The following LYRM2 variants were observed in gnomAD, a reference collection of about 807,000 sequenced individuals.
The protein encoded by LYRM2 is LYR motif containing 2.
LYRM2 carries 8 observed loss-of-function variants against 11.6 expected under a neutral mutation model. The observed-to-expected ratio is 0.69, with a 90% CI of 0.40 to 1.24. The LOEUF is 1.24. Among genes scored for constraint, LYRM2 ranks in the 50% most tolerant of loss-of-function variants. The probability of loss-of-function intolerance (pLI) is 0.01; values close to 1 mark genes in which losing one functional copy is unlikely to be tolerated. For synonymous variants in LYRM2, 30 were observed against 36.4 expected (o/e 0.83, Z 0.63); for missense variants, 117 against 102.9 (o/e 1.14, Z -0.59).
rs767996051 is a variant in LYRM2 at position 89,637,822 on chromosome 6, C to A, written c.106G>T (p.Val36Phe). Residue 36 changes from valine to phenylalanine, a missense_variant, in exon 2 of 3, where the codon GTT becomes TTT. Physicochemically the swap from Val to Phe is conservative, Grantham distance 50. Coordinates refer to ENST00000523377, the MANE Select transcript of LYRM2 (RefSeq NM_020466.5). The part of the protein sequence containing the change: ...YRRILQTIRQ[V>F]PNDSDRKYLK... Reference sequence around the variant, plus strand: ...TATTTGCGATCAGAATCATTTGGAACTTGCCGAATTGTTTGCAAAATCCTT... The same window carrying A: ...TATTTGCGATCAGAATCATTTGGAAATTGCCGAATTGTTTGCAAAATCCTT... 8.7e-6 allele frequency: 14 copies of A among 1,614,138 alleles called. No individual in the cohort carries two copies. Among genetic ancestry groups the A allele is most frequent in the Non-Finnish European group, 1.2e-5 (14 of 1,180,002 alleles).
rs1320109948 is a variant in LYRM2, at chr6:89,633,283, T to TAAG, written c.*3987_*3989dup. On this transcript the variant is annotated 3_prime_UTR_variant, in exon 3 of 3. Transcript: ENST00000523377. ...CTCACCCAGAGATGGCAACATCTAT[T>TAAG]AAGACCAATGCAATACCTTTTCATC... 5.9e-5 allele frequency: 9 copies of TAAG among 152,246 alleles called. No individual in the cohort carries two copies. The highest frequency in any genetic ancestry group is 2.2e-4 in the African/African-American group (9 of 41,456). The allele number at this position is 152,246 out of a possible 1,614,324, so 9.4% of individuals were successfully genotyped here.
intron 1 of LYRM2, chr6:89,638,413 T>C (rs1808081467): frequency 2.1e-6 from 3 of 1,416,066 alleles, no homozygotes; most frequent in Non-Finnish European, 1.8e-6. Context: ...CCGTGGGCAC[T>C]GGGCAGCTGA....
rs756422281 is a variant in LYRM2, at chr6:89,637,851, T to C, written c.77A>G (p.Tyr26Cys). The C allele has an allele frequency of 4.3e-6, 7 of 1,613,936 alleles. No individual in the cohort carries two copies. In the Admixed American group the frequency reaches 6.7e-5, roughly 15 times the overall value. ...CCGAATTGTTTGCAAAATCCTTCTG[T>C]AGAGGAGAAGAACTTGTTGCCTTCT... The part of the protein sequence containing the change: ...FVRRQQVLLL[Y>C]RRILQTIRQV... The change falls in exon 2 of 3, where the codon TAC (tyrosine) becomes TGC (cysteine). Residue 26 changes from tyrosine (Y) to cysteine (C), a missense_variant. Tyr to Cys is a radical substitution (Grantham distance 194, BLOSUM62 -2). Transcript: ENST00000523377.
chr6:89,635,531 C>T lies in LYRM2; in HGVS notation c.*1742G>A, dbSNP rs1450850925. 2 of 152,484 alleles carry T rather than the reference C, an allele frequency of 1.3e-5. No individual in the cohort carries two copies. Among genetic ancestry groups the T allele is most frequent in the African/African-American group, 2.4e-5 (1 of 41,436 alleles). The allele number at this position is 152,484 out of a possible 1,614,324, so 9.4% of individuals were successfully genotyped here. On this transcript the variant is annotated 3_prime_UTR_variant, in exon 3 of 3. Coordinates refer to ENST00000523377, the MANE Select transcript of LYRM2 (RefSeq NM_020466.5). ...TAACATCCACATTCAGTTGATGCCTCTCAGACACAGTCCAGTACTGGATAC... is the reference window on the plus strand; with the variant it reads ...TAACATCCACATTCAGTTGATGCCTTTCAGACACAGTCCAGTACTGGATAC...
rs917848406 is a variant in LYRM2, at chr6:89,636,680, GT to G, written c.*592del. Reference sequence around the variant, plus strand: ...TCTAGTGAATGTGAATCTCAGGGTTGTTTTTTTTTTTTTTTTTTAGAGACTG... The same window carrying G: ...TCTAGTGAATGTGAATCTCAGGGTTGTTTTTTTTTTTTTTTTTAGAGACTG... On this transcript the variant is annotated 3_prime_UTR_variant, in exon 3 of 3. Transcript: ENST00000523377. 1,193 of 129,480 alleles carry G rather than the reference GT, an allele frequency of 9.2e-3. 13 individuals carry two copies. Among genetic ancestry groups the G allele is most frequent in the African/African-American group, 0.028 (975 of 34,284 alleles). The allele number at this position is 129,480 out of a possible 1,614,324, so 8.0% of individuals were successfully genotyped here. A position where few individuals can be genotyped will look rare whatever the true frequency, so the allele number is the denominator to read the frequency against.
At chr6:89,637,910 TACTACTGCACA>T in intron 1 of LYRM2, 28 bp from the exon 2 acceptor site, 1 of 1,605,092 alleles carries the variant, frequency 6.2e-7, no homozygotes. Context: ...AAATAGCAAT[TACTACTGCACA>T]ATCGCCAGCC....
chr6:89,637,947 CA>C, intron 1 of LYRM2, 65 bp from the exon 2 acceptor site: 4 of 1,466,758 alleles, frequency 2.7e-6, no homozygotes, highest in Middle Eastern at 1.8e-4. Flanking sequence ...AGTTCTACTT[CA>C]GCAAACCAAG....
In LYRM2 at chr6:89,635,911, C is replaced by G. The variant is rs1346658971; in HGVS notation, c.*1362G>C. 1 of 154,398 alleles carries G rather than the reference C, an allele frequency of 6.5e-6. No individual in the cohort carries two copies. Among genetic ancestry groups the G allele is most frequent in the African/African-American group, 2.4e-5 (1 of 41,510 alleles). 9.6% of individuals were successfully genotyped at this position (154,398 alleles called of 1,614,324 possible). A position where few individuals can be genotyped will look rare whatever the true frequency, so the allele number is the denominator to read the frequency against. On this transcript the variant is annotated 3_prime_UTR_variant, in exon 3 of 3. Coordinates refer to ENST00000523377, the MANE Select transcript of LYRM2 (RefSeq NM_020466.5). ...CATCCAGAAGTCTTCCCTCTTCTTT[C>G]TGGTAAGTGCTTCAATGTGCTCATT... is the stretch of plus-strand genomic sequence containing the variant.
rs1807960360 is a variant in LYRM2 at position 89,635,139 on chromosome 6, T to A, written c.*2134A>T. On this transcript the variant is annotated 3_prime_UTR_variant, in exon 3 of 3. Coordinates refer to ENST00000523377, the MANE Select transcript of LYRM2 (RefSeq NM_020466.5). ...AATGCAAACCACATACGCTCTTTAA[T>A]GAAAACCTTTCCATGCACACCACTG... 1 of 152,230 alleles carries A rather than the reference T, an allele frequency of 6.6e-6. No individual in the cohort carries two copies. The highest frequency in any genetic ancestry group is 6.5e-5 in the Admixed American group (1 of 15,290). 9.4% of individuals were successfully genotyped at this position (152,230 alleles called of 1,614,324 possible). A position where few individuals can be genotyped will look rare whatever the true frequency, so the allele number is the denominator to read the frequency against.
Position 89,633,586 on chromosome 6 carries a change from G to T in LYRM2, c.*3687C>A, listed in dbSNP as rs2128294186. 6.6e-6 allele frequency: 1 copy of T among 152,216 alleles called. No individual in the cohort carries two copies. The highest frequency in any genetic ancestry group is 1.9e-4 in the East Asian group (1 of 5,194). The allele number at this position is 152,216 out of a possible 1,614,324, so 9.4% of individuals were successfully genotyped here. A position where few individuals can be genotyped will look rare whatever the true frequency, so the allele number is the denominator to read the frequency against. On this transcript the variant is annotated 3_prime_UTR_variant, in exon 3 of 3. Transcript: ENST00000523377. Reference sequence around the variant, plus strand: ...TAGTGTTTTTTTAAAGAAATTGTTAGTGCATTATTGAGTATACTAAATATC... The same window carrying T: ...TAGTGTTTTTTTAAAGAAATTGTTATTGCATTATTGAGTATACTAAATATC...
Position 89,638,727 on chromosome 6 carries a change from G to A in LYRM2, c.-11C>T. The A allele has an allele frequency of 1.2e-6, 2 of 1,613,964 alleles. No homozygotes were observed. The highest frequency in any genetic ancestry group is 2.2e-5 in the South Asian group (2 of 91,080). Reference sequence around the variant, plus strand: ...GCGGGAAGCAGCCATGTCCACCAGAGGTCCGCCGGAGCCTCAGCGCGCAGG... The same window carrying A: ...GCGGGAAGCAGCCATGTCCACCAGAAGTCCGCCGGAGCCTCAGCGCGCAGG... On this transcript the variant is annotated 5_prime_UTR_variant, in exon 1 of 3. Coordinates refer to ENST00000523377, the MANE Select transcript of LYRM2 (RefSeq NM_020466.5).
At chr6:89,637,909 T>G (rs1350240647) in intron 1 of LYRM2, 27 bp from the exon 2 acceptor site, 3 of 1,605,814 alleles carry the variant, frequency 1.9e-6, no homozygotes, top group Non-Finnish European at 1.7e-6. Flanking sequence ...TAAATAGCAA[T>G]TACTACTGCA....
At chr6:89,638,314 A>G (rs1011377169) in intron 1 of LYRM2, 3 of 1,182,948 alleles carry the variant, frequency 2.5e-6, no homozygotes, top group Non-Finnish European at 3.1e-6. Flanking sequence ...TTGTTATTAC[A>G]ACGACAGCAC....
intron 1 of LYRM2, chr6:89,638,282 A>C (rs906558862): frequency 1.8e-6 from 2 of 1,140,686 alleles, no homozygotes; most frequent in Non-Finnish European, 2.2e-6. Flanking sequence ...CGGGCTGAAA[A>C]GGGCTGCCGG....
At position 89,632,719 on chromosome 6, in the gene LYRM2, T is replaced by C. The variant is rs1351917935; in HGVS notation, c.*4554A>G. 1.3e-5 allele frequency: 2 copies of C among 152,216 alleles called. No individual in the cohort carries two copies. Among genetic ancestry groups the C allele is most frequent in the Non-Finnish European group, 2.9e-5 (2 of 68,046 alleles). The allele number at this position is 152,216 out of a possible 1,614,324, so 9.4% of individuals were successfully genotyped here. ...TAGACAGTCTTCCCCCAGAGACTCA[T>C]TAGATTGCAATATAGAGGCACTTTC... On this transcript the variant is annotated 3_prime_UTR_variant, in exon 3 of 3. Coordinates refer to ENST00000523377, the MANE Select transcript of LYRM2 (RefSeq NM_020466.5).
At position 89,636,201 on chromosome 6, in the gene LYRM2, A is replaced by G. The variant is rs1350485404; in HGVS notation, c.*1072T>C. On this transcript the variant is annotated 3_prime_UTR_variant, in exon 3 of 3. Transcript: ENST00000523377. The stretch of plus-strand genomic sequence containing the variant: ...AAAATGTACAGTTCAGTGGATTTGA[A>G]TATATTCAAGAGTTGTGCAGCCTAC... The G allele has an allele frequency of 6.6e-6, 1 of 152,236 alleles. No individual in the cohort carries two copies. Among genetic ancestry groups the G allele is most frequent in the Non-Finnish European group, 1.5e-5 (1 of 68,044 alleles). The allele number at this position is 152,236 out of a possible 1,614,324, so 9.4% of individuals were successfully genotyped here.
chr6:89,638,010 C>CTT, intron 1 of LYRM2, 128 bp from the exon 2 acceptor site: 14 of 1,025,994 alleles, frequency 1.4e-5, no homozygotes, highest in Non-Finnish European at 1.7e-5. Context: ...CAAAGAAAAA[C>CTT]TTTTTTTTTT....
At chr6:89,638,095 G>A (rs748820584) in intron 1 of LYRM2, among the ~76,000 whole-genome samples, 2 of 152,074 alleles carry the variant, frequency 1.3e-5, no homozygotes, top group Non-Finnish European at 2.9e-5. Context: ...AGGATCACTT[G>A]AGCCCAGGAG....
Position 89,632,659 on chromosome 6 carries a change from T to C in LYRM2, c.*4614A>G, listed in dbSNP as rs558970473. The C allele has an allele frequency of 6.6e-6, 1 of 152,336 alleles. No individual in the cohort carries two copies. The highest frequency in any genetic ancestry group is 6.5e-5 in the Admixed American group (1 of 15,300). The allele number at this position is 152,336 out of a possible 1,614,324, so 9.4% of individuals were successfully genotyped here. On this transcript the variant is annotated 3_prime_UTR_variant, in exon 3 of 3. Coordinates refer to ENST00000523377, the MANE Select transcript of LYRM2 (RefSeq NM_020466.5). ...TTATTTCAAGTTGATTTTCATGTGT[T>C]TGGGAGCTTGTCTTGTTCTCAACTA...
Sources: allele counts gnomAD v4.1 joint callset (sites outside exome capture counted in the v4.1 genomes callset), GRCh38; gene constraint gnomAD v4.1.1; transcripts MANE v1.5; gene names NCBI Gene and HGNC (gene_info 2026-07-23, HGNC 2026-07-21).